Variants in SAMMSON observed in about 807,000 individuals in gnomAD.
SAMMSON encodes the protein long intergenic non-protein coding RNA 1212.
At chr3:70,000,815 G>T (rs2066902832) in intron 1 of SAMMSON, among the ~76,000 whole-genome samples, 1 of 152,120 alleles carries the variant, frequency 6.6e-6, no homozygotes, top group Non-Finnish European at 1.5e-5. Context: ...TCTTTCTGGG[G>T]TCTTGTATTA....
intron 4 of SAMMSON, chr3:70,159,597 C>T (rs577747002): frequency 6.6e-6 from 1 of 151,848 alleles, no homozygotes; most frequent in East Asian, 1.9e-4. Flanking sequence ...GAGTCTCGCT[C>T]TGTCACCCAG....
At chr3:70,131,276 CT>C (rs1393901302) in intron 4 of SAMMSON, among the ~76,000 whole-genome samples, 1 of 152,168 alleles carries the variant, frequency 6.6e-6, no homozygotes, top group Non-Finnish European at 1.5e-5. Context: ...AAGCAGGATG[CT>C]TTTGAAAGTT....
chr3:70,141,396 G>C (rs1011988534), intron 4 of SAMMSON, among the ~76,000 whole-genome samples: 1 of 152,150 alleles, frequency 6.6e-6, no homozygotes, highest in Non-Finnish European at 1.5e-5. Context: ...AAGAAAGACA[G>C]CAAAGTTGCC....
chr3:70,067,768 G>T lies in SAMMSON; in HGVS notation n.418-3708G>T, dbSNP rs577248886. 6.9e-4 allele frequency among the ~76,000 whole-genome samples: 105 copies of T among 152,162 alleles called. 2 individuals carry two copies. The South Asian group carries it at 0.021, about 30-fold the overall frequency. On this transcript the variant is annotated intron_variant and non_coding_transcript_variant, in intron 3 of 9. Coordinates refer to ENST00000642114, the Ensembl canonical transcript of SAMMSON. ...TAACTCCTGCAATGTCACCTGCAAA[G>T]AATTTTCATGCCAGAGGTTGCCTTA...
chr3:70,289,583 T>C (rs1246824740), intron 6 of SAMMSON, among the ~76,000 whole-genome samples: 208 of 149,400 alleles, frequency 1.4e-3, no homozygotes, highest in Non-Finnish European at 1.4e-3. Flanking sequence ...GTTCTCTGTA[T>C]TTCCTGAATC....
At chr3:70,037,633 CTT>C (rs1415026467) in intron 3 of SAMMSON, among the ~76,000 whole-genome samples, 1 of 152,198 alleles carries the variant, frequency 6.6e-6, no homozygotes, top group East Asian at 1.9e-4. Flanking sequence ...TTTTCCATCT[CTT>C]AAGCTAACTT....
intron 6 of SAMMSON, among the ~76,000 whole-genome samples, chr3:70,286,143 T>C (rs1702160652): frequency 6.6e-6 from 1 of 152,244 alleles, no homozygotes; most frequent in South Asian, 2.1e-4. Flanking sequence ...CATGCCTATG[T>C]CCTGAATGGT....
At chr3:70,100,337 G>A (rs1341116534) in intron 4 of SAMMSON, among the ~76,000 whole-genome samples, 2 of 151,938 alleles carry the variant, frequency 1.3e-5, no homozygotes, top group Non-Finnish European at 2.9e-5. Flanking sequence ...TTGTAGAGAC[G>A]AGGTTTCACT....
chr3:70,281,380 C>T (rs572203744), intron 6 of SAMMSON, among the ~76,000 whole-genome samples: 45 of 152,248 alleles, frequency 3.0e-4, no homozygotes, highest in Middle Eastern at 3.4e-3. Flanking sequence ...CTAATGGGTA[C>T]GATCATAAGC....
chr3:70,381,799 G>T (rs1346003689), intron 9 of SAMMSON, among the ~76,000 whole-genome samples: 1 of 152,000 alleles, frequency 6.6e-6, no homozygotes, highest in Admixed American at 6.6e-5. Context: ...TAGCTTTTGG[G>T]GAGAAAAGAA....
intron 9 of SAMMSON, among the ~76,000 whole-genome samples, chr3:70,388,221 A>T (rs2106755701): frequency 6.6e-6 from 1 of 152,156 alleles, no homozygotes; most frequent in East Asian, 1.9e-4. Context: ...AATCCAGCCC[A>T]TCATTTGTTT....
chr3:70,150,529 G>A (rs561470978), intron 4 of SAMMSON, among the ~76,000 whole-genome samples: 1 of 152,006 alleles, frequency 6.6e-6, no homozygotes, highest in Non-Finnish European at 1.5e-5. Flanking sequence ...AAGCTTGGAG[G>A]AGTTGAACCA....
chr3:70,158,220 C>T (rs1422249046), intron 4 of SAMMSON, among the ~76,000 whole-genome samples: 1 of 152,046 alleles, frequency 6.6e-6, no homozygotes, highest in Non-Finnish European at 1.5e-5. Flanking sequence ...CTTGTCCCTG[C>T]TCCCACCTCC....
intron 6 of SAMMSON, among the ~76,000 whole-genome samples, chr3:70,271,551 A>G (rs1701975762): frequency 1.3e-5 from 2 of 152,188 alleles, no homozygotes; most frequent in African/African-American, 4.8e-5. Context: ...AATGTTGACA[A>G]AATTTGACTC....
intron 9 of SAMMSON, among the ~76,000 whole-genome samples, chr3:70,362,100 G>T (rs1679306839): frequency 6.6e-6 from 1 of 151,942 alleles, no homozygotes; most frequent in Non-Finnish European, 1.5e-5. Flanking sequence ...TGTAAAGTGT[G>T]GTAGAAAAAA....
At chr3:70,267,962 TCCTTTCGCCTCCCCTTTCGCCTCC>T (rs1215454275) in intron 6 of SAMMSON, among the ~76,000 whole-genome samples, 1 of 151,454 alleles carries the variant, frequency 6.6e-6, no homozygotes, top group South Asian at 2.1e-4. Flanking sequence ...CCTTCTCCTT[TCCTTTCGCCTCCCCTTTCGCCTCC>T]CCTTTCACCT....
At chr3:70,199,848 T>C (rs1701220688) in intron 4 of SAMMSON, among the ~76,000 whole-genome samples, 1 of 152,208 alleles carries the variant, frequency 6.6e-6, no homozygotes, top group African/African-American at 2.4e-5. Context: ...CATCCAAAAG[T>C]GTATACCATA....
chr3:70,154,094 C>A (rs1340366245), intron 4 of SAMMSON, among the ~76,000 whole-genome samples: 1 of 148,814 alleles, frequency 6.7e-6, no homozygotes. Flanking sequence ...TTGAAACTGA[C>A]TTTTTTTTTT....
At chr3:70,097,354 G>A (rs898221895) in intron 4 of SAMMSON, among the ~76,000 whole-genome samples, 4 of 152,208 alleles carry the variant, frequency 2.6e-5, no homozygotes, top group Non-Finnish European at 5.9e-5. Context: ...TCCAAGTATT[G>A]GTTCTTTCTC....
Sources: allele counts gnomAD v4.1 joint callset (sites outside exome capture counted in the v4.1 genomes callset), GRCh38; gene constraint gnomAD v4.1.1; transcripts MANE v1.5; gene names NCBI Gene and HGNC (gene_info 2026-07-23, HGNC 2026-07-21).